The following XKR9 variants were observed in gnomAD, a reference collection of about 807,000 sequenced individuals.
XKR9 encodes the protein XK-related protein 9.
Under a neutral mutation model 32.0 loss-of-function variants are expected in XKR9, and 32 were observed. The ratio of observed to expected loss-of-function variants is 1.00; its 90% CI spans 0.76 to 1.34. XKR9 has a LOEUF of 1.34. Among genes scored for constraint, XKR9 ranks in the 40% most tolerant of loss-of-function variants. The pLI is 0.00. For synonymous variants in XKR9, 168 were observed against 143.4 expected, an observed-to-expected ratio of 1.17 and a Z score of -1.22; for missense variants, 546 against 429.7, an observed-to-expected ratio of 1.27 and a Z score of -2.39.
chr8:70,845,070 G>C, the XKR9 span, among the ~76,000 whole-genome samples: 2 of 152,150 alleles, frequency 1.3e-5, no homozygotes, highest in Non-Finnish European at 2.9e-5. Flanking sequence ...CCACCACTGG[G>C]GTCCAAGGAG....
At chr8:70,723,035 T>C (rs1319762009) in intron 4 of XKR9, among the ~76,000 whole-genome samples, 1 of 152,106 alleles carries the variant, frequency 6.6e-6, no homozygotes, top group Non-Finnish European at 1.5e-5. Context: ...TCATGCCTTA[T>C]TTCTTTAAGT....
the XKR9 span, among the ~76,000 whole-genome samples, chr8:71,013,953 T>C: frequency 2.0e-5 from 3 of 152,114 alleles, no homozygotes; most frequent in Non-Finnish European, 4.4e-5. Context: ...CACCCAATGG[T>C]ACATTGTTCT....
the XKR9 span, among the ~76,000 whole-genome samples, chr8:70,808,199 A>C: frequency 5.3e-5 from 8 of 152,186 alleles, no homozygotes; most frequent in East Asian, 1.5e-3. Context: ...GGCAACAATC[A>C]AGAAGTTTTT....
chr8:70,982,346 G>A, the XKR9 span, among the ~76,000 whole-genome samples: 1 of 152,150 alleles, frequency 6.6e-6, no homozygotes, highest in African/African-American at 2.4e-5. Flanking sequence ...GCCTCTCCTT[G>A]GGCAAAGCTT....
At chr8:70,784,408 AG>A (rs1209833338) in intron 2 of XKR9, among the ~76,000 whole-genome samples, 1 of 104,804 alleles carries the variant, frequency 9.5e-6, no homozygotes, top group Admixed American at 8.6e-5. Context: ...TTTAGTGTAC[AG>A]ATTTTTTTTA....
At chr8:70,891,538 T>C in the XKR9 span, among the ~76,000 whole-genome samples, 1 of 152,206 alleles carries the variant, frequency 6.6e-6, no homozygotes, top group African/African-American at 2.4e-5. Flanking sequence ...CTTCATTTCT[T>C]AATTGACTCA....
chr8:70,889,438 T>G, the XKR9 span, among the ~76,000 whole-genome samples: 1 of 151,752 alleles, frequency 6.6e-6, no homozygotes, highest in Non-Finnish European at 1.5e-5. Context: ...AGGGGGTACA[T>G]GTGTAGGTTT....
At chr8:70,796,268 T>G in the XKR9 span, among the ~76,000 whole-genome samples, 5 of 152,156 alleles carry the variant, frequency 3.3e-5, no homozygotes, top group African/African-American at 9.6e-5. Flanking sequence ...TTTGTTCATA[T>G]GTACCAGATT....
At chr8:70,990,511 G>A in the XKR9 span, among the ~76,000 whole-genome samples, 1 of 152,140 alleles carries the variant, frequency 6.6e-6, no homozygotes, top group Non-Finnish European at 1.5e-5. Flanking sequence ...TAAAAGCACA[G>A]TTATATTTGT....
the XKR9 span, among the ~76,000 whole-genome samples, chr8:70,993,598 ACAT>A: frequency 0.06 from 8,161 of 135,308 alleles, 535 homozygotes; most frequent in Middle Eastern, 0.14. Flanking sequence ...GTTTCATAGG[ACAT>A]CTTCCTTCCT....
chr8:70,878,364 T>C, the XKR9 span, among the ~76,000 whole-genome samples: 12 of 152,012 alleles, frequency 7.9e-5, no homozygotes, highest in Non-Finnish European at 1.2e-4. Flanking sequence ...GACTGCCAAA[T>C]TGGATAAAGA....
chr8:70,776,951 A>C (rs867211766), intron 2 of XKR9, among the ~76,000 whole-genome samples: 327 of 26,120 alleles, frequency 0.013, 5 homozygotes, highest in South Asian at 0.014. Flanking sequence ...CTCTCTCTAT[A>C]TATATATATA....
At chr8:70,887,313 T>A in the XKR9 span, among the ~76,000 whole-genome samples, 1 of 152,328 alleles carries the variant, frequency 6.6e-6, no homozygotes, top group East Asian at 1.9e-4. Flanking sequence ...CTGTGCTGTT[T>A]TGGTTACTGT....
chr8:70,886,033 C>T, the XKR9 span, among the ~76,000 whole-genome samples: 4 of 152,286 alleles, frequency 2.6e-5, no homozygotes, highest in African/African-American at 7.2e-5. Context: ...AATGCTATCC[C>T]TCCCCTAGTC....
At chr8:70,974,218 C>T in the XKR9 span, among the ~76,000 whole-genome samples, 2 of 150,378 alleles carry the variant, frequency 1.3e-5, no homozygotes, top group East Asian at 3.9e-4. Flanking sequence ...ATATAGTGTC[C>T]CTCTTTTTTT....
At position 70,707,154 on chromosome 8, in the gene XKR9, G is replaced by GT. The variant is rs1299194710; in HGVS notation, c.493+2dup. On this transcript the variant is annotated splice_donor_variant, in intron 4 of 4. Coordinates refer to ENST00000408926, the MANE Select transcript of XKR9 (RefSeq NM_001011720.2). LOFTEE classifies it high-confidence loss of function. The stretch of plus-strand genomic sequence containing the variant: ...CATGGACAAGCGAATTTCAGTCAGT[G>GT]TAAGTTTTTCTTAACTCCTTGTGTT... 5.0e-6 allele frequency: 8 copies of GT among 1,611,658 alleles called. No individual in the cohort carries two copies. Among genetic ancestry groups the GT allele is most frequent in the African/African-American group, 4.0e-5 (3 of 74,850 alleles).
chr8:71,037,543 C>A, the XKR9 span, among the ~76,000 whole-genome samples: 73 of 152,254 alleles, frequency 4.8e-4, no homozygotes, highest in South Asian at 3.1e-3. Context: ...AACTACTTCC[C>A]TCTGATTTTA....
the XKR9 span, among the ~76,000 whole-genome samples, chr8:71,002,433 T>C: frequency 6.6e-6 from 1 of 151,860 alleles, no homozygotes; most frequent in Non-Finnish European, 1.5e-5. Flanking sequence ...TTTTAGTATG[T>C]TCTGTCTCTC....
intron 4 of XKR9, among the ~76,000 whole-genome samples, chr8:70,708,878 A>G (rs1365039494): frequency 2.6e-5 from 4 of 152,186 alleles, no homozygotes; most frequent in East Asian, 3.8e-4. Flanking sequence ...TGTATAAAAA[A>G]GAGCTGGTAT....
Sources: gnomAD v4.1 joint callset for allele counts (sites outside exome capture counted in the v4.1 genomes callset) on GRCh38, gnomAD v4.1.1 for gene constraint, MANE v1.5 for transcripts, NCBI Gene and HGNC (gene_info 2026-07-23, HGNC 2026-07-21) for gene names.